ASPRV1: variants seen among roughly 807,000 people sequenced by gnomAD.
The protein encoded by ASPRV1 is retroviral-like aspartic protease 1.
In ASPRV1, 7 loss-of-function variants were observed where a neutral mutation model predicts 11.0. The ratio of observed to expected loss-of-function variants is 0.64; its 90% CI spans 0.36 to 1.20. The LOEUF (loss-of-function observed/expected upper bound fraction) is 1.20. Among genes scored for constraint, ASPRV1 ranks in the 50% most tolerant of loss-of-function variants. The pLI, the probability that ASPRV1 is intolerant of heterozygous loss-of-function variation, is 0.02. For synonymous variants in ASPRV1, 136 were observed against 138.4 expected (o/e 0.98, Z 0.12); for missense variants, 299 against 320.0 (o/e 0.93, Z 0.50).
chr2:70,041,550 C>T, the ASPRV1 span, among the ~76,000 whole-genome samples: 1 of 152,188 alleles, frequency 6.6e-6, no homozygotes, highest in African/African-American at 2.4e-5. Flanking sequence ...TTATGTCATA[C>T]TCATTCCATA....
the ASPRV1 span, among the ~76,000 whole-genome samples, chr2:70,021,674 C>T: frequency 2.0e-5 from 3 of 150,948 alleles, no homozygotes; most frequent in South Asian, 2.1e-4. Flanking sequence ...GTTAACAATA[C>T]GGTATTGTGC....
chr2:69,953,265 A>G, the ASPRV1 span, among the ~76,000 whole-genome samples: 1 of 152,236 alleles, frequency 6.6e-6, no homozygotes, highest in African/African-American at 2.4e-5. Flanking sequence ...GTAAGGGAAT[A>G]TGCAGAGGGC....
At chr2:70,027,336 T>A in the ASPRV1 span, among the ~76,000 whole-genome samples, 1 of 148,420 alleles carries the variant, frequency 6.7e-6, no homozygotes, top group Non-Finnish European at 1.5e-5. Context: ...GAAAGTAGTA[T>A]GAAAGTTCCT....
At chr2:70,026,070 C>A in the ASPRV1 span, among the ~76,000 whole-genome samples, 1 of 152,188 alleles carries the variant, frequency 6.6e-6, no homozygotes, top group Non-Finnish European at 1.5e-5. Context: ...TGCCTATAAT[C>A]CCAGCACTTT....
chr2:69,936,974 A>G, the ASPRV1 span: 1 of 594,556 alleles, frequency 1.7e-6, no homozygotes, highest in Non-Finnish European at 3.3e-6. Context: ...GAGGGCTACC[A>G]GGGTGCCAGT....
At chr2:69,938,390 C>A in the ASPRV1 span, 1 of 1,168,970 alleles carries the variant, frequency 8.6e-7, no homozygotes, top group Non-Finnish European at 1.2e-6. Context: ...CTTCAGTGTC[C>A]CACCTTGACC....
chr2:69,965,835 G>A (rs898756196), upstream of ASPRV1, among the ~76,000 whole-genome samples: 26 of 152,286 alleles, frequency 1.7e-4, no homozygotes, highest in East Asian at 3.9e-4. Flanking sequence ...CAACATGAGC[G>A]TTCCTGCCAC....
chr2:70,086,850 G>A, the ASPRV1 span: 1 of 152,278 alleles, frequency 6.6e-6, no homozygotes, highest in South Asian at 2.1e-4. Flanking sequence ...TTCGGCAGGC[G>A]GCCGTGAGTG....
At chr2:69,949,909 G>A in the ASPRV1 span, among the ~76,000 whole-genome samples, 6 of 152,264 alleles carry the variant, frequency 3.9e-5, no homozygotes, top group South Asian at 2.1e-4. Context: ...TCCGCCTCCC[G>A]GGTTCAAGCG....
the ASPRV1 span, among the ~76,000 whole-genome samples, chr2:70,033,857 T>C: frequency 6.6e-6 from 1 of 152,190 alleles, no homozygotes; most frequent in East Asian, 1.9e-4. Context: ...AGAATGTGAT[T>C]AAGGAAAGCA....
chr2:70,083,846 G>C, the ASPRV1 span, among the ~76,000 whole-genome samples: 1 of 152,170 alleles, frequency 6.6e-6, no homozygotes, highest in Non-Finnish European at 1.5e-5. Flanking sequence ...CTTTATAAAA[G>C]GGAGAACTGA....
chr2:69,934,017 GA>G, the ASPRV1 span, among the ~76,000 whole-genome samples: 1 of 152,190 alleles, frequency 6.6e-6, no homozygotes, highest in African/African-American at 2.4e-5. Context: ...CTGTCCTCTA[GA>G]AGCTTAAAGT....
chr2:70,001,999 TAATAA>T, the ASPRV1 span, among the ~76,000 whole-genome samples: 1 of 152,212 alleles, frequency 6.6e-6, no homozygotes, highest in South Asian at 2.1e-4. Context: ...CCCATTTATG[TAATAA>T]AATATATATG....
chr2:69,956,093 T>A (rs1677929844), downstream of ASPRV1, among the ~76,000 whole-genome samples: 1 of 152,172 alleles, frequency 6.6e-6, no homozygotes, highest in South Asian at 2.1e-4. Flanking sequence ...AGGGCTCTTA[T>A]GATGATGGGG....
At chr2:70,030,001 G>A in the ASPRV1 span, 1 of 152,206 alleles carries the variant, frequency 6.6e-6, no homozygotes, top group South Asian at 2.1e-4. Context: ...GCAAACTCCA[G>A]TCTTTTCTAT....
At chr2:70,053,012 C>G in the ASPRV1 span, among the ~76,000 whole-genome samples, 2 of 152,112 alleles carry the variant, frequency 1.3e-5, no homozygotes, top group African/African-American at 4.8e-5. Flanking sequence ...TGGCCCCTAC[C>G]ATGTCCTCTC....
At chr2:70,069,571 A>G in the ASPRV1 span, among the ~76,000 whole-genome samples, 3 of 152,250 alleles carry the variant, frequency 2.0e-5, no homozygotes, top group Non-Finnish European at 2.9e-5. Flanking sequence ...GGGTAGCTCA[A>G]TAACTGAGAT....
the ASPRV1 span, among the ~76,000 whole-genome samples, chr2:70,022,520 T>C: frequency 6.6e-6 from 1 of 151,520 alleles, no homozygotes; most frequent in Non-Finnish European, 1.5e-5. Flanking sequence ...ACCTCAACTC[T>C]ACAAAAAACA....
At chr2:69,955,862 G>A (rs1677925615), downstream of ASPRV1, among the ~76,000 whole-genome samples, 1 of 152,066 alleles carries the variant, frequency 6.6e-6, no homozygotes, top group African/African-American at 2.4e-5. Flanking sequence ...ATATAGAGAA[G>A]TGGACTCTAT....
Sources: gnomAD v4.1 joint callset for allele counts (sites outside exome capture counted in the v4.1 genomes callset) on GRCh38, gnomAD v4.1.1 for gene constraint, MANE v1.5 for transcripts, NCBI Gene and HGNC (gene_info 2026-07-23, HGNC 2026-07-21) for gene names.